Variants in MEF2C observed in about 807,000 individuals in gnomAD.
MEF2C encodes the protein myocyte enhancer factor 2C.
A neutral mutation model predicts 50.5 loss-of-function variants in MEF2C; 6 were observed. The observed-to-expected ratio is 0.12, with a 90% CI of 0.07 to 0.23. The LOEUF is 0.23. Ranked by LOEUF, MEF2C falls within the 10% of genes least tolerant of loss-of-function variation. The pLI, the probability that MEF2C is intolerant of heterozygous loss-of-function variation, is 1.00. For missense variants in MEF2C, 276 were observed against 605.0 expected (o/e 0.46, Z 5.70); for synonymous variants, 183 against 228.0 (o/e 0.80, Z 1.78).
intron 1 of MEF2C, among the ~76,000 whole-genome samples, chr5:88,843,689 T>C (rs1027256492): frequency 6.6e-6 from 1 of 152,148 alleles, no homozygotes; most frequent in Non-Finnish European, 1.5e-5. Flanking sequence ...CAGAAAATTA[T>C]CATGTTAACA....
In MEF2C at chr5:88,749,111, A is replaced by G; in HGVS notation, c.596T>C (p.Leu199Pro). The change falls in exon 6 of 11, where the codon CTG becomes CCG. Residue 199 changes from leucine (L) to proline (P), a missense_variant. Coordinates refer to ENST00000504921, the MANE Select transcript of MEF2C (RefSeq NM_002397.5). ...RPPSAGNTGG[L>P]MGGDLTSGAG... ...ACCAGACGTGAGGTCTCCACCCATCAGACCACCTATGGATTAAAGAGGAAG... is the reference window on the plus strand; with the variant it reads ...ACCAGACGTGAGGTCTCCACCCATCGGACCACCTATGGATTAAAGAGGAAG... 1 of 1,573,214 alleles carries G rather than the reference A, an allele frequency of 6.4e-7. No individual in the cohort carries two copies. The highest frequency in any genetic ancestry group is 8.6e-7 in the Non-Finnish European group (1 of 1,158,656).
chr5:88,761,346 G>C lies in MEF2C; in HGVS notation c.259-18C>G, dbSNP rs746685316. ...CTCAACGTCTGAAATACATAATTTG[G>C]AAAGTTCAAACCTAGACAAAGGCTG... On this transcript the variant is annotated intron_variant, in intron 3 of 10. Transcript: ENST00000504921. 1 of 1,606,850 alleles carries C rather than the reference G, an allele frequency of 6.2e-7. No homozygotes were observed. The highest frequency in any genetic ancestry group is 1.3e-5 in the African/African-American group (1 of 74,596).
chr5:88,795,905 T>A (rs1163213700), intron 3 of MEF2C, among the ~76,000 whole-genome samples: 1 of 152,176 alleles, frequency 6.6e-6, no homozygotes, highest in African/African-American at 2.4e-5. Flanking sequence ...AATGGTGTGG[T>A]TTTTGTCATT....
At chr5:88,768,127 T>C (rs1352589101) in intron 3 of MEF2C, among the ~76,000 whole-genome samples, 2 of 152,234 alleles carry the variant, frequency 1.3e-5, no homozygotes, top group Admixed American at 6.5e-5. Context: ...ATTCAGGCAC[T>C]CATTTTATTC....
intron 3 of MEF2C, among the ~76,000 whole-genome samples, chr5:88,762,776 C>G (rs1486625933): frequency 2.6e-5 from 4 of 152,170 alleles, no homozygotes; most frequent in African/African-American, 9.6e-5. Flanking sequence ...CTAAGTGTCT[C>G]TCATTAATGG....
chr5:88,779,538 C>A (rs1353726270), intron 3 of MEF2C, among the ~76,000 whole-genome samples: 1 of 151,876 alleles, frequency 6.6e-6, no homozygotes, highest in African/African-American at 2.4e-5. Flanking sequence ...GTATTTTGTG[C>A]TGGAAACTGC....
At chr5:88,771,041 G>A (rs192783188) in intron 3 of MEF2C, among the ~76,000 whole-genome samples, 3 of 152,314 alleles carry the variant, frequency 2.0e-5, no homozygotes, top group Admixed American at 1.3e-4. Flanking sequence ...CCTACATGGC[G>A]GCAGGCAAGA....
chr5:88,882,141 T>A (rs1833071319), intron 1 of MEF2C, among the ~76,000 whole-genome samples: 1 of 152,166 alleles, frequency 6.6e-6, no homozygotes, highest in African/African-American at 2.4e-5. Flanking sequence ...CCACAATATT[T>A]AATAATAAAA....
At chr5:88,726,370 T>C (rs1316222314) in intron 10 of MEF2C, among the ~76,000 whole-genome samples, 2 of 152,198 alleles carry the variant, frequency 1.3e-5, no homozygotes, top group African/African-American at 4.8e-5. Context: ...GATGCTCATG[T>C]GAATTACTTT....
At chr5:88,854,321 A>T (rs1198244310) in intron 1 of MEF2C, among the ~76,000 whole-genome samples, 1 of 152,214 alleles carries the variant, frequency 6.6e-6, no homozygotes, top group East Asian at 1.9e-4. Flanking sequence ...TAGTTGAGAG[A>T]TTAGAAATCA....
intron 2 of MEF2C, 86 bp from the exon 3 acceptor site, chr5:88,804,887 A>G: frequency 9.1e-7 from 1 of 1,103,244 alleles, no homozygotes; most frequent in South Asian, 1.5e-5. Context: ...TTCCTTCACA[A>G]AACAATGGTG....
rs185655344 is a variant in MEF2C at position 88,729,321 on chromosome 5, C to T, written c.861G>A (p.Ser287=). The change falls in exon 9 of 11, where the codon TCG becomes TCA. Residue 287 remains serine, a synonymous_variant. Transcript: ENST00000504921. ...CCACTGGGGTAGCCAATGACTGAGC[C>T]GACTGGGAGTTATTTATCCTTTGAT... is the stretch of plus-strand genomic sequence containing the variant. The part of the protein sequence containing the change: ...LLNQRINNSQ[S]AQSLATPVVS... 1.6e-5 allele frequency: 25 copies of T among 1,611,812 alleles called. No homozygotes were observed. The East Asian group carries it at 2.2e-4, about 14-fold the overall frequency.
chr5:88,854,984 T>G (rs113877244), intron 1 of MEF2C, among the ~76,000 whole-genome samples: 5,375 of 152,264 alleles, frequency 0.035, 100 homozygotes, highest in Non-Finnish European at 0.041. Context: ...CATTCTAGAA[T>G]AGCTTATGTG....
chr5:88,856,639 C>T (rs1178424574), intron 1 of MEF2C, among the ~76,000 whole-genome samples: 1 of 152,236 alleles, frequency 6.6e-6, no homozygotes, highest in Non-Finnish European at 1.5e-5. Flanking sequence ...TGCCCTGTGT[C>T]CCAGCTGTGG....
chr5:88,821,785 G>T (rs2153216405), intron 2 of MEF2C, among the ~76,000 whole-genome samples: 1 of 151,748 alleles, frequency 6.6e-6, no homozygotes, highest in African/African-American at 2.4e-5. Flanking sequence ...AGTGGGGAGG[G>T]GATAAAGTGG....
At chr5:88,819,042 C>T (rs1053183014) in intron 2 of MEF2C, among the ~76,000 whole-genome samples, 1 of 151,760 alleles carries the variant, frequency 6.6e-6, no homozygotes, top group African/African-American at 2.4e-5. Context: ...TTTTTTCATC[C>T]TCACTCTAGT....
At chr5:88,864,848 G>A (rs1029413417) in intron 1 of MEF2C, among the ~76,000 whole-genome samples, 24 of 150,256 alleles carry the variant, frequency 1.6e-4, no homozygotes, top group Non-Finnish European at 2.1e-4. Context: ...CTCACTCACC[G>A]CAACCTCCGC....
intron 3 of MEF2C, among the ~76,000 whole-genome samples, chr5:88,777,064 T>C (rs891916029): frequency 8.5e-5 from 13 of 152,220 alleles, no homozygotes; most frequent in African/African-American, 3.1e-4. Context: ...AACTTGACTT[T>C]TTAAATTAGG....
At chr5:88,771,113 T>C (rs1223684328) in intron 3 of MEF2C, among the ~76,000 whole-genome samples, 1 of 152,202 alleles carries the variant, frequency 6.6e-6, no homozygotes, top group Non-Finnish European at 1.5e-5. Flanking sequence ...TTATTCACTA[T>C]CATGAGACCA....
Sources: allele counts gnomAD v4.1 joint callset (sites outside exome capture counted in the v4.1 genomes callset), GRCh38; gene constraint gnomAD v4.1.1; transcripts MANE v1.5; gene names NCBI Gene and HGNC (gene_info 2026-07-23, HGNC 2026-07-21).